Variants in RIMBP2 observed in about 807,000 individuals in gnomAD.
RIMBP2 encodes RIMS binding protein 2, also known as RIMS-binding protein 2.
A neutral mutation model predicts 118.6 loss-of-function variants in RIMBP2; 48 were observed. The ratio of observed to expected loss-of-function variants is 0.40; its 90% CI spans 0.32 to 0.51. The LOEUF (loss-of-function observed/expected upper bound fraction) is 0.51. RIMBP2 is among the 20% of genes least tolerant of loss of function. The pLI is 0.41. For synonymous variants in RIMBP2, 762 were observed against 742.9 expected (o/e 1.03, Z -0.42); for missense variants, 1,551 against 1,768.3 (o/e 0.88, Z 2.20).
At chr12:130,404,224 A>G (rs1369414212) in intron 21 of RIMBP2, among the ~76,000 whole-genome samples, 1 of 152,240 alleles carries the variant, frequency 6.6e-6, no homozygotes, top group Non-Finnish European at 1.5e-5. Context: ...ACACTTTTCC[A>G]ACATGTTTTC....
intron 18 of RIMBP2, 33 bp downstream of exon 18, chr12:130,414,092 T>C (rs1365454561): frequency 2.5e-6 from 4 of 1,611,532 alleles, no homozygotes; most frequent in South Asian, 1.1e-5. Flanking sequence ...CCTCAGGGGC[T>C]GATGAAGCCG....
intron 6 of RIMBP2, among the ~76,000 whole-genome samples, chr12:130,460,843 G>A (rs563268491): frequency 2.2e-4 from 34 of 152,236 alleles, no homozygotes; most frequent in African/African-American, 6.5e-4. Flanking sequence ...CAGCAGTGAC[G>A]GGGGAGAGCC....
chr12:130,665,450 G>A (rs529555597), intron 1 of RIMBP2, among the ~76,000 whole-genome samples: 12 of 151,450 alleles, frequency 7.9e-5, no homozygotes, highest in Admixed American at 2.6e-4. Context: ...ACTCGAACCC[G>A]GGAGGCAGAG....
rs1039317082 is a variant in RIMBP2 at position 130,475,007 on chromosome 12, G to A, written c.102+3905C>T. ...TGCTCCCGGTCTCCAGGAAGCACGCGTCTCCCGGGAGAGCCTGAGGTTACC... is the reference window on the plus strand; with the variant it reads ...TGCTCCCGGTCTCCAGGAAGCACGCATCTCCCGGGAGAGCCTGAGGTTACC... On this transcript the variant is annotated intron_variant, in intron 5 of 22. Coordinates refer to ENST00000690449, the MANE Select transcript of RIMBP2 (RefSeq NM_001393629.1). This position sits in a 1 kb window ranked among gnomAD's most constrained non-coding sequence, Gnocchi z 4.1. 4.6e-5 allele frequency among the ~76,000 whole-genome samples: 7 copies of A among 152,136 alleles called. No homozygotes were observed. The highest frequency in any genetic ancestry group is 1.4e-4 in the African/African-American group (6 of 41,428).
chr12:130,585,554 C>T (rs1257224803), intron 2 of RIMBP2, among the ~76,000 whole-genome samples: 5 of 149,210 alleles, frequency 3.4e-5, no homozygotes, highest in Non-Finnish European at 7.4e-5. Flanking sequence ...GAGGTCCTGG[C>T]TGCAATGGGA....
chr12:130,462,277 C>T (rs959674399), intron 6 of RIMBP2, among the ~76,000 whole-genome samples: 14 of 152,196 alleles, frequency 9.2e-5, no homozygotes, highest in South Asian at 2.1e-4. Flanking sequence ...CCTACATCCA[C>T]CTGGGCATTG....
At chr12:130,510,765 G>A (rs1428459383) in intron 3 of RIMBP2, among the ~76,000 whole-genome samples, 4 of 152,154 alleles carry the variant, frequency 2.6e-5, no homozygotes, top group South Asian at 2.1e-4. Flanking sequence ...CACCTCACCC[G>A]GCTGATATTT....
chr12:130,465,521 C>T (rs2080383818), intron 6 of RIMBP2: 1 of 152,286 alleles, frequency 6.6e-6, no homozygotes, highest in African/African-American at 2.4e-5. Context: ...CTCAAAGCAC[C>T]TGAGAGGGTG....
intron 4 of RIMBP2, among the ~76,000 whole-genome samples, chr12:130,487,230 C>T (rs1180627304): frequency 1.3e-5 from 2 of 152,168 alleles, no homozygotes; most frequent in South Asian, 2.1e-4. Context: ...CCCTTCACGG[C>T]GTGATGGGGT....
chr12:130,516,926 G>A (rs995408730), intron 3 of RIMBP2, among the ~76,000 whole-genome samples: 1 of 152,156 alleles, frequency 6.6e-6, no homozygotes, highest in Non-Finnish European at 1.5e-5. Context: ...TGGCATCTGG[G>A]AAAGAGAAGA....
intron 14 of RIMBP2, among the ~76,000 whole-genome samples, chr12:130,433,918 G>C (rs1347323998): frequency 6.6e-6 from 1 of 152,188 alleles, no homozygotes; most frequent in Non-Finnish European, 1.5e-5. Context: ...TGATTAGTTG[G>C]GCATTCCGTT....
intron 3 of RIMBP2, among the ~76,000 whole-genome samples, chr12:130,512,021 A>C (rs1593592644): frequency 6.6e-6 from 1 of 152,280 alleles, no homozygotes; most frequent in East Asian, 1.9e-4. Flanking sequence ...ATAAACCTGG[A>C]GAAGGGGGCG....
chr12:130,490,216 G>T (rs1265123762), intron 4 of RIMBP2, among the ~76,000 whole-genome samples: 1 of 151,678 alleles, frequency 6.6e-6, no homozygotes, highest in African/African-American at 2.4e-5. Context: ...GTTGCAACTG[G>T]ACTCAAACCT....
At chr12:130,530,969 T>C (rs1422478401) in intron 2 of RIMBP2, among the ~76,000 whole-genome samples, 1 of 152,210 alleles carries the variant, frequency 6.6e-6, no homozygotes, top group Non-Finnish European at 1.5e-5. Flanking sequence ...TCATTCAAGA[T>C]GACCATGCTT....
intron 1 of RIMBP2, among the ~76,000 whole-genome samples, chr12:130,646,153 C>CGCTACTGCAAAAGGGATTG (rs1566422407): frequency 2.2e-5 from 2 of 90,446 alleles, no homozygotes; most frequent in Admixed American, 1.1e-4. Context: ...CCACCTGCCT[C>CGCTACTGCAAAAGGGATTG]TCCACCTCCC....
rs2078200958 is a variant in RIMBP2, at chr12:130,442,344, G to C, written c.1008C>G (p.Pro336=). Residue 336 remains proline, a synonymous_variant, in exon 11 of 23, where the codon CCC becomes CCG. Coordinates refer to ENST00000690449, the MANE Select transcript of RIMBP2 (RefSeq NM_001393629.1). This position sits in a 1 kb window ranked among gnomAD's most constrained non-coding sequence, Gnocchi z 6.9. ...TTCCCCATCCTGGTGGCACCGCCGG[G>C]GGCTCCCAGCCCACAATAACACTTT... The part of the protein sequence containing the change: ...LAKSVIVGWE[P]PAVPPGWGTV... The C allele has an allele frequency of 1.2e-6, 2 of 1,614,082 alleles. No individual in the cohort carries two copies. The highest frequency in any genetic ancestry group is 2.2e-5 in the South Asian group (2 of 91,088).
chr12:130,582,821 AG>A (rs1166647130), intron 2 of RIMBP2, among the ~76,000 whole-genome samples: 8 of 152,214 alleles, frequency 5.3e-5, no homozygotes, highest in African/African-American at 1.9e-4. Flanking sequence ...TCCCGAGAGC[AG>A]GGCATTTGTC....
chr12:130,400,068 G>A (rs1309641859), intron 21 of RIMBP2, among the ~76,000 whole-genome samples: 1 of 152,164 alleles, frequency 6.6e-6, no homozygotes, highest in African/African-American at 2.4e-5. Context: ...TTTGGCCAAA[G>A]AGCCCCTGGG....
chr12:130,443,886 C>T (rs968296712), intron 10 of RIMBP2, among the ~76,000 whole-genome samples: 30 of 152,206 alleles, frequency 2.0e-4, no homozygotes, highest in Non-Finnish European at 3.7e-4. Flanking sequence ...ATCCGAAGAC[C>T]GTCGTATCTA....
Sources: allele counts gnomAD v4.1 joint callset (sites outside exome capture counted in the v4.1 genomes callset), GRCh38; gene constraint gnomAD v4.1.1; non-coding constraint Gnocchi (gnomAD v3.1); transcripts MANE v1.5; gene names NCBI Gene and HGNC (gene_info 2026-07-23, HGNC 2026-07-21).